Variants in WDPCP observed in about 807,000 individuals in gnomAD.
WDPCP encodes the protein WD repeat containing planar cell polarity effector, also known as WD repeat-containing and planar cell polarity effector protein fritz homolog.
WDPCP carries 71 observed loss-of-function variants against 93.1 expected under a neutral mutation model. The observed-to-expected ratio is 0.76, with a 90% CI of 0.63 to 0.93. WDPCP has a LOEUF of 0.93. Among genes scored for constraint, WDPCP ranks in the 40% least tolerant of loss-of-function variants. WDPCP has a pLI of 0.00. For synonymous variants in WDPCP, 315 were observed against 315.0 expected, an observed-to-expected ratio of 1.00 and a Z score of 0.00; for missense variants, 844 against 887.4, an observed-to-expected ratio of 0.95 and a Z score of 0.62.
chr2:63,252,803 G>GA (rs1295087407), intron 14 of WDPCP, among the ~76,000 whole-genome samples: 3 of 152,146 alleles, frequency 2.0e-5, no homozygotes, highest in Non-Finnish European at 4.4e-5. Context: ...GCCTGGATTG[G>GA]AAAAATCAAT....
At chr2:63,486,136 G>A (rs2105913828) in intron 4 of WDPCP, among the ~76,000 whole-genome samples, 1 of 151,734 alleles carries the variant, frequency 6.6e-6, no homozygotes, top group South Asian at 2.1e-4. Flanking sequence ...ATATACTGGA[G>A]ATCAGAAAAG....
intron 3 of WDPCP, chr2:63,606,098 T>C (rs1709523774): frequency 1.4e-6 from 2 of 1,393,050 alleles, no homozygotes; most frequent in South Asian, 2.3e-5. Context: ...AATGGTATTA[T>C]TGGCCAGGCA....
chr2:63,770,550 A>G (rs1670208555), intron 2 of WDPCP, among the ~76,000 whole-genome samples: 1 of 152,010 alleles, frequency 6.6e-6, no homozygotes, highest in African/African-American at 2.4e-5. Context: ...ATAATGAAAC[A>G]AACAAACAAA....
intron 12 of WDPCP, among the ~76,000 whole-genome samples, chr2:63,356,726 TAAG>T (rs1690043109): frequency 6.6e-6 from 1 of 152,122 alleles, no homozygotes. Context: ...TTGAAAATAA[TAAG>T]AACAAAGATA....
At chr2:63,220,802 A>G (rs1340720909) in intron 14 of WDPCP, among the ~76,000 whole-genome samples, 2 of 152,052 alleles carry the variant, frequency 1.3e-5, no homozygotes, top group Non-Finnish European at 2.9e-5. Context: ...TCAACCCATC[A>G]CCTAGGTACT....
intron 9 of WDPCP, among the ~76,000 whole-genome samples, chr2:63,413,676 T>G (rs1695187605): frequency 6.6e-6 from 1 of 152,108 alleles, no homozygotes; most frequent in Non-Finnish European, 1.5e-5. Context: ...CGGGAGCCTG[T>G]AGTCCCAGCT....
chr2:63,332,953 A>C (rs60215951), intron 12 of WDPCP, among the ~76,000 whole-genome samples: 2,277 of 152,214 alleles, frequency 0.015, 63 homozygotes, highest in African/African-American at 0.052. Flanking sequence ...AAAATCATTA[A>C]TGTTAATCTT....
At chr2:63,176,421 AAAAC>A (rs1340462896) in intron 14 of WDPCP, among the ~76,000 whole-genome samples, 1 of 152,018 alleles carries the variant, frequency 6.6e-6, no homozygotes, top group Admixed American at 6.6e-5. Flanking sequence ...TCATTTAAAA[AAAAC>A]ATTATTGTAG....
At chr2:63,622,109 T>G (rs1460099406) in intron 3 of WDPCP, 1 of 1,250,486 alleles carries the variant, frequency 8.0e-7, no homozygotes, top group African/African-American at 1.7e-5. Flanking sequence ...AATGATAAAG[T>G]ACAATGGAGG....
At chr2:63,797,032 G>A (rs1431405664) in intron 2 of WDPCP, among the ~76,000 whole-genome samples, 1 of 152,184 alleles carries the variant, frequency 6.6e-6, no homozygotes, top group Non-Finnish European at 1.5e-5. Flanking sequence ...AAGGGCACTA[G>A]GCAGAGTCCT....
At chr2:63,567,313 C>T (rs1382706941) in intron 1 of WDPCP, among the ~76,000 whole-genome samples, 1 of 152,154 alleles carries the variant, frequency 6.6e-6, no homozygotes, top group African/African-American at 2.4e-5. Context: ...ATCTAGGGAC[C>T]CCCAGCCACC....
At chr2:63,508,253 A>C (rs938506510) in intron 1 of WDPCP, among the ~76,000 whole-genome samples, 3 of 152,244 alleles carry the variant, frequency 2.0e-5, no homozygotes, top group African/African-American at 7.2e-5. Context: ...GAAATCCTAC[A>C]AGCCAGAAGA....
chr2:63,419,262 C>T (rs1025626727), intron 9 of WDPCP, among the ~76,000 whole-genome samples: 2 of 152,164 alleles, frequency 1.3e-5, no homozygotes, highest in African/African-American at 4.8e-5. Flanking sequence ...CTGCCTCAGC[C>T]TCCCGAGTAG....
intron 3 of WDPCP, among the ~76,000 whole-genome samples, chr2:63,638,310 T>TTC (rs148104908): frequency 3.0e-4 from 44 of 148,708 alleles, no homozygotes; most frequent in East Asian, 2.1e-3. Context: ...CTCTCTCTCA[T>TTC]TCTCTCTCTC....
chr2:63,351,913 C>G (rs1437454129), intron 12 of WDPCP, among the ~76,000 whole-genome samples: 1 of 152,204 alleles, frequency 6.6e-6, no homozygotes, highest in Non-Finnish European at 1.5e-5. Context: ...AACCTTTTCT[C>G]TGCAGCCTCA....
intron 14 of WDPCP, among the ~76,000 whole-genome samples, chr2:63,186,158 G>A (rs1674624945): frequency 6.6e-6 from 1 of 152,182 alleles, no homozygotes; most frequent in Non-Finnish European, 1.5e-5. Flanking sequence ...ATGAGCTGGG[G>A]CACTCAGGAA....
intron 2 of WDPCP, among the ~76,000 whole-genome samples, chr2:63,765,235 T>C (rs1670119464): frequency 1.3e-5 from 2 of 152,166 alleles, no homozygotes; most frequent in South Asian, 4.1e-4. Flanking sequence ...GGGAAGACTT[T>C]CCTGAGGAGA....
At chr2:63,459,182 A>G (rs1287070721) in intron 6 of WDPCP, among the ~76,000 whole-genome samples, 1 of 152,220 alleles carries the variant, frequency 6.6e-6, no homozygotes, top group African/African-American at 2.4e-5. Context: ...TAAGACCTCA[A>G]AAGCACAGGC....
intron 1 of WDPCP, among the ~76,000 whole-genome samples, chr2:63,546,316 T>C (rs529008303): frequency 3.9e-5 from 6 of 152,282 alleles, no homozygotes; most frequent in East Asian, 1.9e-4. Context: ...AAAACAGTAA[T>C]GTAGTTTTTA....
Sources: allele counts gnomAD v4.1 joint callset (sites outside exome capture counted in the v4.1 genomes callset), GRCh38; gene constraint gnomAD v4.1.1; transcripts MANE v1.5; gene names NCBI Gene and HGNC (gene_info 2026-07-23, HGNC 2026-07-21).